Variants in PHF3 observed in about 807,000 individuals in gnomAD.
The protein encoded by PHF3 is PHD finger protein 3.
In PHF3, 41 loss-of-function variants were observed where a neutral mutation model predicts 178.4. The observed-to-expected ratio is 0.23, with a 90% CI of 0.18 to 0.30. The LOEUF is 0.30. PHF3 is among the 10% of genes least tolerant of loss of function. PHF3 has a pLI of 1.00. For missense variants in PHF3, 2,346 were observed against 2,398.1 expected (o/e 0.98, Z 0.45); for synonymous variants, 842 against 800.5 (o/e 1.05, Z -0.88).
Position 63,685,563 on chromosome 6 carries a change from C to G in PHF3, c.1841C>G (p.Ala614Gly). Residue 614 changes from alanine to glycine, a missense_variant, in exon 4 of 16, where the codon GCA becomes GGA. Transcript: ENST00000262043. ...TGCTTGAAAGAACCTCATCATCCTG[C>G]ACAAACTGGACATGTATCACATTCT... ...PGCLKEPHHPAQTGHVSHSSQ... is the reference protein window; with the variant it reads ...PGCLKEPHHPGQTGHVSHSSQ... The G allele has an allele frequency of 6.2e-7, 1 of 1,614,094 alleles. No homozygotes were observed. Among genetic ancestry groups the G allele is most frequent in the Non-Finnish European group, 8.5e-7 (1 of 1,179,980 alleles).
intron 2 of PHF3, among the ~76,000 whole-genome samples, chr6:63,653,195 G>C (rs1765094688): frequency 6.8e-6 from 1 of 147,328 alleles, no homozygotes; most frequent in Non-Finnish European, 1.5e-5. Flanking sequence ...TTTTTTGTGT[G>C]GTTTTGGGGA....
chr6:63,654,281 A>G (rs1765139864), intron 2 of PHF3, among the ~76,000 whole-genome samples: 1 of 152,192 alleles, frequency 6.6e-6, no homozygotes, highest in Non-Finnish European at 1.5e-5. Flanking sequence ...TACAGAGACA[A>G]TCATGGTTGA....
rs1157932495 is a variant in PHF3, at chr6:63,694,583, G to T, written c.2499G>T (p.Glu833Asp). 8.0e-6 allele frequency: 12 copies of T among 1,492,770 alleles called. No homozygotes were observed. The highest frequency in any genetic ancestry group is 8.9e-6 in the Non-Finnish European group (10 of 1,119,310). The allele number at this position is 1,492,770 out of a possible 1,614,324, so 92.5% of individuals were successfully genotyped here. A position where few individuals can be genotyped will look rare whatever the true frequency, so the allele number is the denominator to read the frequency against. ...VKHKVKILKR[E>D]SGEGRNSSDC... ...TGAATTAAGTACTCATTTTCCAGGA[G>T]TCTGGTGAAGGCAGAAATTCATCAG... The change falls in exon 6 of 16, where the codon GAG becomes GAT. Residue 833 changes from glutamate (E) to aspartate (D), a missense_variant and splice_region_variant. Physicochemically the swap from Glu to Asp is conservative, Grantham distance 45 (BLOSUM62 2). Coordinates refer to ENST00000262043, the MANE Select transcript of PHF3 (RefSeq NM_001370348.2).
At chr6:63,640,159 A>T (rs943330805) in intron 1 of PHF3, among the ~76,000 whole-genome samples, 2 of 152,182 alleles carry the variant, frequency 1.3e-5, no homozygotes, top group African/African-American at 2.4e-5. Context: ...ACTGAACCAG[A>T]TTTGAAGTGG....
At chr6:63,674,189 G>A (rs1233392475) in intron 2 of PHF3, among the ~76,000 whole-genome samples, 1 of 150,550 alleles carries the variant, frequency 6.6e-6, no homozygotes, top group Non-Finnish European at 1.5e-5. Flanking sequence ...ATTAGTGCTA[G>A]TGAGTTCTTA....
chr6:63,704,961 T>G (rs1767628409), intron 11 of PHF3, among the ~76,000 whole-genome samples: 1 of 152,222 alleles, frequency 6.6e-6, no homozygotes, highest in Non-Finnish European at 1.5e-5. Flanking sequence ...TTCTAGATTT[T>G]GGCCATTCTA....
intron 1 of PHF3, among the ~76,000 whole-genome samples, chr6:63,643,218 T>G (rs1291899158): frequency 6.6e-6 from 1 of 152,324 alleles, no homozygotes; most frequent in South Asian, 2.1e-4. Context: ...TAAATATTTC[T>G]ACATTTGGCT....
In PHF3 at chr6:63,719,171, C is replaced by T. The variant is rs1768279274; in HGVS notation, c.*5463C>T. Among the ~76,000 whole-genome samples the T allele has an allele frequency of 1.3e-5, 2 of 151,952 alleles. No individual in the cohort carries two copies. The highest frequency in any genetic ancestry group is 2.1e-4 in the South Asian group (1 of 4,830). On this transcript the variant is annotated 3_prime_UTR_variant, in exon 16 of 16. Coordinates refer to ENST00000262043, the MANE Select transcript of PHF3 (RefSeq NM_001370348.2). ...TGGTGTTGACATTCTTAACTCTGGT[C>T]GTAGGTCCTTTTAGGAATGTCTGTA...
intron 1 of PHF3, among the ~76,000 whole-genome samples, chr6:63,639,912 G>A (rs1311595432): frequency 2.0e-5 from 3 of 152,164 alleles, no homozygotes; most frequent in African/African-American, 7.2e-5. Context: ...ATGATATAAT[G>A]CCAATATAGT....
intron 4 of PHF3, 149 bp downstream of exon 4, chr6:63,686,060 T>C (rs1766690789): frequency 3.6e-5 from 21 of 585,738 alleles, no homozygotes; most frequent in Non-Finnish European, 4.5e-5. Flanking sequence ...CTTGGATAAA[T>C]GATAGAAAGA....
Position 63,712,989 on chromosome 6 carries a change from C to T in PHF3, c.5401C>T (p.Gln1801Ter). The T allele has an allele frequency of 6.2e-7, 1 of 1,614,056 alleles. No homozygotes were observed. Among genetic ancestry groups the T allele is most frequent in the Non-Finnish European group, 8.5e-7 (1 of 1,179,954 alleles). ...TACAAACTTTTCACCCATGAGGCCACAGCAGCCCAACCTTCAGCATCTCAA... is the reference window on the plus strand; with the variant it reads ...TACAAACTTTTCACCCATGAGGCCATAGCAGCCCAACCTTCAGCATCTCAA... ...TSTNFSPMRP[Q>*]QPNLQHLKSS... is the part of the protein sequence containing the mutation. Residue 1801 changes from glutamine to a stop codon, truncating the protein, a stop_gained, in exon 16 of 16, where the codon CAG becomes TAG. Coordinates refer to ENST00000262043, the MANE Select transcript of PHF3 (RefSeq NM_001370348.2). LOFTEE classifies it high-confidence loss of function.
intron 2 of PHF3, among the ~76,000 whole-genome samples, chr6:63,679,360 A>T (rs1416659559): frequency 6.6e-6 from 1 of 152,114 alleles, no homozygotes; most frequent in Non-Finnish European, 1.5e-5. Context: ...CTCTCTTTTG[A>T]CTAGGAGAAG....
At position 63,685,600 on chromosome 6, in the gene PHF3, G is replaced by T; in HGVS notation, c.1878G>T (p.Gln626His). The T allele has an allele frequency of 6.2e-7, 1 of 1,614,032 alleles. No individual in the cohort carries two copies. The highest frequency in any genetic ancestry group is 8.5e-7 in the Non-Finnish European group (1 of 1,180,022). The change falls in exon 4 of 16, where the codon CAG (glutamine) becomes CAT (histidine). Residue 626 changes from glutamine to histidine, a missense_variant. Physicochemically the swap from Gln to His is conservative, Grantham distance 24. This residue lies in a region of PHF3 where 843 missense variants were observed against 795.2 expected (regional missense o/e 1.06). Coordinates refer to ENST00000262043, the MANE Select transcript of PHF3 (RefSeq NM_001370348.2). ...TGHVSHSSQK[Q>H]CHKPQQQAPA... Reference sequence around the variant, plus strand: ...ATGTATCACATTCTAGCCAGAAACAGTGTCATAAGCCTCAGCAACAGGCCC... The same window carrying T: ...ATGTATCACATTCTAGCCAGAAACATTGTCATAAGCCTCAGCAACAGGCCC...
intron 2 of PHF3, among the ~76,000 whole-genome samples, chr6:63,662,925 T>C (rs541997021): frequency 6.6e-6 from 1 of 152,314 alleles, no homozygotes; most frequent in African/African-American, 2.4e-5. Context: ...ATTTTACTGG[T>C]TGACAACTCC....
intron 4 of PHF3, among the ~76,000 whole-genome samples, chr6:63,689,582 AT>A (rs935866595): frequency 1.3e-5 from 2 of 152,154 alleles, no homozygotes; most frequent in East Asian, 1.9e-4. Context: ...TTAAAACTGC[AT>A]TTTTTAACCT....
chr6:63,698,184 A>G (rs753926960), intron 6 of PHF3, 39 bp from the exon 7 acceptor site: 1 of 1,505,040 alleles, frequency 6.6e-7, no homozygotes, highest in Non-Finnish European at 9.1e-7. Flanking sequence ...AGATATTTTT[A>G]AAAGCAATGT....
At chr6:63,688,379 G>A (rs1582083250) in intron 4 of PHF3, among the ~76,000 whole-genome samples, 2 of 40 alleles carry the variant, frequency 0.05, no homozygotes, top group Middle Eastern at 0.5. Context: ...CTGTTGCCCA[G>A]GGGTGGAGAG....
intron 5 of PHF3, among the ~76,000 whole-genome samples, chr6:63,692,594 T>C (rs1351207830): frequency 6.6e-6 from 1 of 152,206 alleles, no homozygotes; most frequent in Non-Finnish European, 1.5e-5. Context: ...GTTATTCTTA[T>C]AGAATACTGA....
In PHF3 at chr6:63,725,241, A is replaced by C. The variant is rs1768568183; in HGVS notation, c.*11533A>C. Reference sequence around the variant, plus strand: ...GAAACTCTTGATTGTCTTGAACTACATGCATTGAATAACAGATGTAAGAAG... The same window carrying C: ...GAAACTCTTGATTGTCTTGAACTACCTGCATTGAATAACAGATGTAAGAAG... On this transcript the variant is annotated 3_prime_UTR_variant, in exon 16 of 16. Transcript: ENST00000262043. Among the ~76,000 whole-genome samples, 1 of 152,148 alleles carries C rather than the reference A, an allele frequency of 6.6e-6. No homozygotes were observed. The highest frequency in any genetic ancestry group is 6.5e-5 in the Admixed American group (1 of 15,276).
Sources: allele counts gnomAD v4.1 joint callset (sites outside exome capture counted in the v4.1 genomes callset), GRCh38; gene constraint gnomAD v4.1.1; regional missense constraint gnomAD v4.1.1; transcripts MANE v1.5; gene names NCBI Gene and HGNC (gene_info 2026-07-23, HGNC 2026-07-21).